STK3: variants seen among roughly 807,000 people sequenced by gnomAD.
STK3 encodes serine/threonine kinase 3.
Under a neutral mutation model 58.0 loss-of-function variants are expected in STK3, and 41 were observed. The observed-to-expected ratio is 0.71, with a 90% confidence interval of 0.55 to 0.92. The LOEUF is 0.92. Among genes scored for constraint, STK3 ranks in the 40% least tolerant of loss-of-function variants. The pLI is 0.00. For synonymous variants in STK3, 170 were observed against 191.0 expected (o/e 0.89, Z 0.91); for missense variants, 479 against 602.7 (o/e 0.79, Z 2.15).
chr8:98,462,255 G>A (rs920378648), intron 10 of STK3, among the ~76,000 whole-genome samples: 37 of 151,234 alleles, frequency 2.4e-4, no homozygotes, highest in East Asian at 5.8e-4. Flanking sequence ...GTGTGATCTC[G>A]GCTCACCGCA....
At chr8:98,716,636 T>A (rs1277595439) in intron 4 of STK3, among the ~76,000 whole-genome samples, 1 of 152,130 alleles carries the variant, frequency 6.6e-6, no homozygotes, top group African/African-American at 2.4e-5. Context: ...GTAATCCCTA[T>A]CAAAATCCCA....
At chr8:98,847,033 T>G (rs1836234246) in intron 3 of STK3, among the ~76,000 whole-genome samples, 1 of 152,126 alleles carries the variant, frequency 6.6e-6, no homozygotes, top group African/African-American at 2.4e-5. Flanking sequence ...GAATTTTAGG[T>G]CTAGATATGA....
chr8:98,738,330 G>A (rs901487922), intron 4 of STK3, among the ~76,000 whole-genome samples: 1 of 151,980 alleles, frequency 6.6e-6, no homozygotes, highest in Non-Finnish European at 1.5e-5. Flanking sequence ...AAAATTAGCT[G>A]GGTGTGATAG....
intron 6 of STK3, among the ~76,000 whole-genome samples, chr8:98,606,769 C>T (rs932563043): frequency 1.3e-5 from 2 of 152,198 alleles, no homozygotes; most frequent in African/African-American, 4.8e-5. Context: ...CCCTCTCAGA[C>T]AATCATATGG....
At chr8:98,739,544 A>G (rs1828987030) in intron 4 of STK3, among the ~76,000 whole-genome samples, 1 of 149,156 alleles carries the variant, frequency 6.7e-6, no homozygotes, top group African/African-American at 2.5e-5. Flanking sequence ...CCTGTCTGTT[A>G]GAAGGAAAAC....
chr8:98,782,408 G>C, intron 1 of STK3: 1 of 247,026 alleles, frequency 4.0e-6, no homozygotes, highest in Admixed American at 4.0e-5. Context: ...ATCACAGCCT[G>C]TACCTGAAGG....
intron 10 of STK3, among the ~76,000 whole-genome samples, chr8:98,495,024 A>G (rs1249173972): frequency 1.3e-5 from 2 of 152,262 alleles, no homozygotes; most frequent in Non-Finnish European, 2.9e-5. Flanking sequence ...AAAAGAAAAT[A>G]TATTTCAAAT....
intron 3 of STK3, among the ~76,000 whole-genome samples, chr8:98,876,641 G>A (rs1837568942): frequency 6.6e-6 from 1 of 152,176 alleles, no homozygotes; most frequent in South Asian, 2.1e-4. Flanking sequence ...AGGTCTAGAG[G>A]AAAGTCTCTT....
chr8:98,792,764 C>A (rs1199465290), intron 1 of STK3, among the ~76,000 whole-genome samples: 3 of 152,210 alleles, frequency 2.0e-5, no homozygotes, highest in Non-Finnish European at 4.4e-5. Context: ...TCCTGGGTAT[C>A]TACCCAGAGG....
At chr8:98,346,750 C>A in the STK3 span, among the ~76,000 whole-genome samples, 2 of 150,346 alleles carry the variant, frequency 1.3e-5, no homozygotes, top group Admixed American at 1.3e-4. Flanking sequence ...TCTTCAGACA[C>A]AAAAATCTGA....
chr8:98,523,028 A>C (rs1369998260), intron 10 of STK3, among the ~76,000 whole-genome samples: 1 of 152,182 alleles, frequency 6.6e-6, no homozygotes, highest in Non-Finnish European at 1.5e-5. Flanking sequence ...CCTCTTTGAG[A>C]CCCTGCTTTC....
At chr8:98,807,586 A>T (rs1001977001) in intron 1 of STK3, among the ~76,000 whole-genome samples, 1 of 152,164 alleles carries the variant, frequency 6.6e-6, no homozygotes, top group Non-Finnish European at 1.5e-5. Flanking sequence ...AGGAGACTGG[A>T]AATAGTGAAT....
chr8:98,862,068 C>G (rs928445886), intron 3 of STK3, among the ~76,000 whole-genome samples: 7 of 152,132 alleles, frequency 4.6e-5, no homozygotes, highest in Non-Finnish European at 7.4e-5. Context: ...TTGAGGCCCA[C>G]TCTGGGTGGG....
chr8:98,707,450 T>A, intron 4 of STK3, 139 bp from the exon 5 acceptor site: 2 of 647,820 alleles, frequency 3.1e-6, no homozygotes, highest in Non-Finnish European at 5.0e-6. Context: ...TTGCCCAGGC[T>A]ACAGTGCAGT....
chr8:98,905,296 C>A, intron 1 of STK3: 1 of 837,158 alleles, frequency 1.2e-6, no homozygotes, highest in South Asian at 1.4e-5. Context: ...CTCACTGCGT[C>A]CTCTGACCAC....
intron 10 of STK3, among the ~76,000 whole-genome samples, chr8:98,524,658 C>T (rs1475696196): frequency 6.6e-6 from 1 of 152,214 alleles, no homozygotes; most frequent in Non-Finnish European, 1.5e-5. Flanking sequence ...GGCCTTACAA[C>T]CTTGTTTTCA....
rs760414695 is a variant in STK3 at position 98,428,031 on chromosome 8, G to C, written n.483+6096C>G. On this transcript the variant is annotated intron_variant and non_coding_transcript_variant, in intron 3 of 3. Transcript: ENST00000517832. The surrounding 1 kb of genome is among the most constrained non-coding windows in gnomAD (Gnocchi z 6.7). ...GTCGGAGGCTAACGTCGAGGACGGG[G>C]AGATCCGCATCAATGTGGGCGGCTT... The C allele has an allele frequency of 6.2e-7, 1 of 1,606,694 alleles. No individual in the cohort carries two copies. Among genetic ancestry groups the C allele is most frequent in the South Asian group, 1.1e-5 (1 of 90,270 alleles).
At chr8:98,891,186 C>T (rs1838186803) in intron 1 of STK3, among the ~76,000 whole-genome samples, 1 of 152,208 alleles carries the variant, frequency 6.6e-6, no homozygotes, top group Admixed American at 6.5e-5. Flanking sequence ...CAGCTCAGCA[C>T]CGCATGGTGC....
chr8:98,671,622 C>T (rs1041834867), intron 6 of STK3, among the ~76,000 whole-genome samples: 1 of 151,670 alleles, frequency 6.6e-6, no homozygotes, highest in Non-Finnish European at 1.5e-5. Flanking sequence ...CGCTCTGTCA[C>T]CCAGGCTAGA....
Sources: gnomAD v4.1 joint callset for allele counts (sites outside exome capture counted in the v4.1 genomes callset) on GRCh38, gnomAD v4.1.1 for gene constraint, Gnocchi (gnomAD v3.1) non-coding constraint, MANE v1.5 for transcripts, NCBI Gene and HGNC (gene_info 2026-07-23, HGNC 2026-07-21) for gene names.